Variants in MGAT4C observed in about 807,000 individuals in gnomAD.
The protein encoded by MGAT4C is MGAT4 family member C.
Under a neutral mutation model 40.1 loss-of-function variants are expected in MGAT4C, and 19 were observed. The observed-to-expected ratio is 0.47, with a 90% confidence interval of 0.33 to 0.70. The LOEUF is 0.70. Among genes scored for constraint, MGAT4C ranks in the 30% least tolerant of loss-of-function variants. The pLI, the probability that MGAT4C is intolerant of heterozygous loss-of-function variation, is 0.02. For synonymous variants in MGAT4C, 181 were observed against 187.1 expected, an observed-to-expected ratio of 0.97 and a Z score of 0.27; for missense variants, 491 against 563.2, an observed-to-expected ratio of 0.87 and a Z score of 1.30.
At position 86,313,621 on chromosome 12, in the gene MGAT4C, G is replaced by A. The variant is rs187945958; in HGVS notation, c.-57+20444C>T. Among the ~76,000 whole-genome samples the A allele has an allele frequency of 3.0e-3, 464 of 152,164 alleles. 3 individuals carry two copies. The highest frequency in any genetic ancestry group is 0.011 in the African/African-American group (446 of 41,514). On this transcript the variant is annotated intron_variant, in intron 4 of 7. Transcript: ENST00000548651. ...AGAAAAATTTTAATTACTCTCTCAC[G>A]AACTCATAAAAACAAAGAAACAAAT...
intron 2 of MGAT4C, among the ~76,000 whole-genome samples, chr12:86,502,409 T>C (rs1451894870): frequency 1.3e-5 from 2 of 151,982 alleles, no homozygotes; most frequent in East Asian, 1.9e-4. Context: ...CTATTCTGTA[T>C]GTTGCTATAA....
intron 1 of MGAT4C, among the ~76,000 whole-genome samples, chr12:86,072,526 A>G (rs1592852246): frequency 1.3e-5 from 2 of 152,164 alleles, no homozygotes; most frequent in East Asian, 3.9e-4. Flanking sequence ...ATAGAAAGAC[A>G]CAGACAAGTC....
At position 85,966,613 on chromosome 12, in the gene MGAT4C, G is replaced by A. The variant is rs369358838; in HGVS notation, c.*12676C>T. ...ACACATGCACACGTATGTTTATTGC[G>A]GCACTATTCACAATAGCAAAGACTT... On this transcript the variant is annotated 3_prime_UTR_variant, in exon 5 of 5. Coordinates refer to ENST00000611864, the MANE Select transcript of MGAT4C (RefSeq NM_001351288.2). 3.4e-4 allele frequency: 51 copies of A among 152,038 alleles called. 1 individual carries two copies. The East Asian group carries it at 6.0e-3, about 18-fold the overall frequency. The allele number at this position is 152,038 out of a possible 1,614,324, so 9.4% of individuals were successfully genotyped here. A position where few individuals can be genotyped will look rare whatever the true frequency, so the allele number is the denominator to read the frequency against.
chr12:86,340,411 C>T (rs1340281618), intron 3 of MGAT4C, among the ~76,000 whole-genome samples: 1 of 151,312 alleles, frequency 6.6e-6, no homozygotes, highest in African/African-American at 2.4e-5. Flanking sequence ...CTATATTCAA[C>T]AAAAAGAATG....
At position 86,778,415 on chromosome 12, in the gene MGAT4C, A is replaced by C. The variant is rs943529213; in HGVS notation, c.-261-51174T>G. ...TTGAGAATTTTTTTCCTTTCTTACAAAAATCTATCTGTACATAATTTAAAA... is the reference window on the plus strand; with the variant it reads ...TTGAGAATTTTTTTCCTTTCTTACACAAATCTATCTGTACATAATTTAAAA... On this transcript the variant is annotated intron_variant, in intron 1 of 7. Transcript: ENST00000548651. Among the ~76,000 whole-genome samples the C allele has an allele frequency of 2.8e-4, 42 of 152,180 alleles. 1 individual carries two copies. Among genetic ancestry groups the C allele is most frequent in the African/African-American group, 9.9e-4 (41 of 41,456 alleles).
intron 1 of MGAT4C, among the ~76,000 whole-genome samples, chr12:86,118,204 A>T (rs2471571): frequency 0.58 from 87,488 of 151,888 alleles, 25,475 homozygotes; most frequent in South Asian, 0.71. Context: ...AAAAAATGCA[A>T]CTCTTTTATG....
intron 2 of MGAT4C, among the ~76,000 whole-genome samples, chr12:86,697,959 A>G (rs936043727): frequency 6.6e-6 from 1 of 152,074 alleles, no homozygotes; most frequent in East Asian, 1.9e-4. Context: ...ATAACCTCAT[A>G]TTCTCTTAAA....
chr12:86,191,764 G>GTGTGTGTGTGTA (rs1889519669), intron 1 of MGAT4C, among the ~76,000 whole-genome samples: 1 of 144,184 alleles, frequency 6.9e-6, no homozygotes, highest in Non-Finnish European at 1.5e-5. Flanking sequence ...GTGTGTGTGT[G>GTGTGTGTGTGTA]TGTGTGTGTG....
intron 2 of MGAT4C, among the ~76,000 whole-genome samples, chr12:86,704,046 A>T (rs1950410719): frequency 6.6e-6 from 1 of 152,166 alleles, no homozygotes; most frequent in Admixed American, 6.6e-5. Context: ...TATAGCAAAT[A>T]TGTAATAGTA....
At chr12:86,004,988 G>C (rs1376813030) in intron 2 of MGAT4C, among the ~76,000 whole-genome samples, 2 of 152,078 alleles carry the variant, frequency 1.3e-5, no homozygotes, top group East Asian at 1.9e-4. Context: ...TCAAGTCCTG[G>C]CATCACCCCA....
At chr12:86,800,511 G>A (rs1952206137) in intron 1 of MGAT4C, among the ~76,000 whole-genome samples, 1 of 151,862 alleles carries the variant, frequency 6.6e-6, no homozygotes, top group African/African-American at 2.4e-5. Context: ...TATAGGAAAA[G>A]ACAATGAAAT....
chr12:86,749,325 CTTG>C (rs1951199337), intron 1 of MGAT4C, among the ~76,000 whole-genome samples: 1 of 151,544 alleles, frequency 6.6e-6, no homozygotes, highest in Non-Finnish European at 1.5e-5. Context: ...AGTCTTGTGT[CTTG>C]TTAATTGTAT....
chr12:86,642,483 G>T (rs1256387441), intron 2 of MGAT4C, among the ~76,000 whole-genome samples: 2 of 151,802 alleles, frequency 1.3e-5, no homozygotes, highest in East Asian at 3.9e-4. Flanking sequence ...TGTTATACAT[G>T]ATAGAATACT....
At chr12:86,194,046 A>G (rs2135911298) in intron 1 of MGAT4C, among the ~76,000 whole-genome samples, 1 of 152,162 alleles carries the variant, frequency 6.6e-6, no homozygotes, top group African/African-American at 2.4e-5. Flanking sequence ...CATGTCTAAT[A>G]AATCTTGTAT....
At chr12:86,347,020 C>G (rs916775626) in intron 3 of MGAT4C, among the ~76,000 whole-genome samples, 11 of 152,052 alleles carry the variant, frequency 7.2e-5, no homozygotes, top group Admixed American at 6.6e-5. Context: ...GGCTCTCGGG[C>G]CTTTGGGCAC....
chr12:86,412,061 C>G (rs1244109386), intron 3 of MGAT4C, among the ~76,000 whole-genome samples: 1 of 152,200 alleles, frequency 6.6e-6, no homozygotes, highest in African/African-American at 2.4e-5. Flanking sequence ...GAGCCTCCAC[C>G]TAGATGTCAG....
intron 1 of MGAT4C, among the ~76,000 whole-genome samples, chr12:86,215,158 T>C (rs1950621446): frequency 1.3e-5 from 2 of 152,156 alleles, no homozygotes; most frequent in Non-Finnish European, 1.5e-5. Context: ...AGTATAAATA[T>C]ATTTTAAATT....
intron 2 of MGAT4C, among the ~76,000 whole-genome samples, chr12:86,463,901 T>C (rs747083095): frequency 1.3e-5 from 2 of 152,208 alleles, no homozygotes; most frequent in Non-Finnish European, 2.9e-5. Flanking sequence ...AAATGTATAC[T>C]AAAAATTCTT....
intron 1 of MGAT4C, among the ~76,000 whole-genome samples, chr12:86,158,647 G>C (rs1195435058): frequency 6.6e-6 from 1 of 151,948 alleles, no homozygotes; most frequent in Non-Finnish European, 1.5e-5. Context: ...ATTCAAACTA[G>C]GGAATTTTAT....
Sources: allele counts gnomAD v4.1 joint callset (sites outside exome capture counted in the v4.1 genomes callset), GRCh38; gene constraint gnomAD v4.1.1; transcripts MANE v1.5; gene names NCBI Gene and HGNC (gene_info 2026-07-23, HGNC 2026-07-21).